The following SUCO variants were observed in gnomAD, a reference collection of about 807,000 sequenced individuals.
SUCO encodes the protein SUN domain-containing ossification factor.
A neutral mutation model predicts 148.1 loss-of-function variants in SUCO; 57 were observed. That is an observed-to-expected ratio of 0.38 (90% confidence interval 0.31 to 0.48). The LOEUF is 0.48. Ranked by LOEUF, SUCO falls within the 20% of genes least tolerant of loss-of-function variation. SUCO has a pLI of 0.96. For missense variants in SUCO, 1,331 were observed against 1,468.2 expected, an observed-to-expected ratio of 0.91 and a Z score of 1.53; for synonymous variants, 470 against 502.7, an observed-to-expected ratio of 0.93 and a Z score of 0.87.
At chr1:172,580,477 A>G (rs1001789248) in intron 15 of SUCO, among the ~76,000 whole-genome samples, 1 of 152,066 alleles carries the variant, frequency 6.6e-6, no homozygotes, top group East Asian at 1.9e-4. Flanking sequence ...TATGTGATGT[A>G]TTTTTTAGGA....
Position 172,593,739 on chromosome 1 carries a change from G to T in SUCO, c.2913+2668G>T, listed in dbSNP as rs919468868. On this transcript the variant is annotated intron_variant, in intron 19 of 23. Coordinates refer to ENST00000263688, the MANE Select transcript of SUCO (RefSeq NM_014283.5). The stretch of plus-strand genomic sequence containing the variant: ...AGGGATATTGGTCTAAAATTCTCTT[G>T]TTTTGTTGTGTCTCTGCCAGGCTTT... Among the ~76,000 whole-genome samples the T allele has an allele frequency of 1.1e-3, 163 of 152,076 alleles. 1 individual carries two copies. Among genetic ancestry groups the T allele is most frequent in the African/African-American group, 3.5e-3 (144 of 41,508 alleles).
At chr1:172,560,294 G>T (rs1452443717) in intron 6 of SUCO, among the ~76,000 whole-genome samples, 1 of 152,216 alleles carries the variant, frequency 6.6e-6, no homozygotes, top group African/African-American at 2.4e-5. Flanking sequence ...TTGACCAGCT[G>T]TAGTTGCAAT....
chr1:172,606,755 T>C (rs1055217344), intron 22 of SUCO, among the ~76,000 whole-genome samples: 1 of 151,760 alleles, frequency 6.6e-6, no homozygotes, highest in African/African-American at 2.4e-5. Context: ...TTACTTGTTA[T>C]TGAGAAATTC....
intron 8 of SUCO, 81 bp from the exon 9 acceptor site, chr1:172,570,581 TC>T: frequency 1.1e-6 from 1 of 907,790 alleles, no homozygotes; most frequent in Non-Finnish European, 1.7e-6. Context: ...AATACAGAAG[TC>T]CCAGAAAACT....
At chr1:172,588,594 T>G in intron 17 of SUCO, 166 bp from the exon 18 acceptor site, 1 of 984,946 alleles carries the variant, frequency 1.0e-6, no homozygotes, top group Non-Finnish European at 1.2e-6. Flanking sequence ...GCAGTATTTG[T>G]TTTTATAATA....
Position 172,556,115 on chromosome 1 carries a change from G to GT in SUCO, c.443+95dup, listed in dbSNP as rs1289844393. Reference sequence around the variant, plus strand: ...AAAGATAAAGCAGCTTGATACTCAAGTTTGAAGTTTAGGCTATATAGCAGA... The same window carrying GT: ...AAAGATAAAGCAGCTTGATACTCAAGTTTTGAAGTTTAGGCTATATAGCAGA... On this transcript the variant is annotated intron_variant, in intron 4 of 23. Coordinates refer to ENST00000263688, the MANE Select transcript of SUCO (RefSeq NM_014283.5). The GT allele has an allele frequency of 2.1e-5, 21 of 1,021,162 alleles. 1 individual carries two copies. In the Admixed American group the frequency reaches 4.6e-4, roughly 22 times the overall value. The allele number at this position is 1,021,162 out of a possible 1,614,324, so 63.3% of individuals were successfully genotyped here. A position where few individuals can be genotyped will look rare whatever the true frequency, so the allele number is the denominator to read the frequency against.
intron 1 of SUCO, among the ~76,000 whole-genome samples, chr1:172,547,681 A>G (rs1026950421): frequency 6.6e-6 from 1 of 152,230 alleles, no homozygotes; most frequent in Non-Finnish European, 1.5e-5. Context: ...CTGAATAGAC[A>G]TGACAAATGC....
At position 172,599,979 on chromosome 1, in the gene SUCO, G is replaced by A; in HGVS notation, c.2914-85G>A. On this transcript the variant is annotated intron_variant, in intron 19 of 23. Coordinates refer to ENST00000263688, the MANE Select transcript of SUCO (RefSeq NM_014283.5). ...ACATTTGTTTTGGAATAACTTAATG[G>A]TTTTTTTTAGATTATTTGACTTCAA... 4 of 928,930 alleles carry A rather than the reference G, an allele frequency of 4.3e-6. No individual in the cohort carries two copies. In the East Asian group the frequency reaches 8.8e-5, roughly 20 times the overall value. 57.5% of individuals were successfully genotyped at this position (928,930 alleles called of 1,614,324 possible). A position where few individuals can be genotyped will look rare whatever the true frequency, so the allele number is the denominator to read the frequency against.
chr1:172,533,219 G>C lies in SUCO; in HGVS notation c.-217G>C, dbSNP rs1261185170. The C allele has an allele frequency of 6.5e-7, 1 of 1,534,900 alleles. No individual in the cohort carries two copies. Among genetic ancestry groups the C allele is most frequent in the Admixed American group, 2.0e-5 (1 of 49,840 alleles). On this transcript the variant is annotated 5_prime_UTR_variant, in exon 1 of 24. Coordinates refer to ENST00000263688, the MANE Select transcript of SUCO (RefSeq NM_014283.5). ...GGTGGCTGCAGCGGCGGCGGTCCCC[G>C]GAGTCCTGTGAAGCGCCCCTGTCCG...
intron 9 of SUCO, among the ~76,000 whole-genome samples, chr1:172,571,294 C>T (rs563965757): frequency 2.0e-3 from 301 of 152,336 alleles, no homozygotes; most frequent in Non-Finnish European, 3.5e-3. Context: ...CTCCTAACTG[C>T]GAGTGATCCG....
At chr1:172,580,620 T>C (rs1036292643) in intron 15 of SUCO, among the ~76,000 whole-genome samples, 1 of 152,184 alleles carries the variant, frequency 6.6e-6, no homozygotes, top group Non-Finnish European at 1.5e-5. Context: ...TGAGGAAGCA[T>C]TATTATTTTA....
chr1:172,532,878 A>G (rs970178624), upstream of SUCO: 62 of 1,495,314 alleles, frequency 4.1e-5, no homozygotes, highest in Non-Finnish European at 5.4e-5. Flanking sequence ...AGTGGGCGGG[A>G]CCTGGGGCGG....
chr1:172,544,580 G>A (rs369170757), intron 1 of SUCO, among the ~76,000 whole-genome samples: 44 of 152,184 alleles, frequency 2.9e-4, no homozygotes, highest in African/African-American at 7.7e-4. Context: ...TTATGTTTTA[G>A]ATAGTGGGAG....
chr1:172,557,131 A>G, intron 4 of SUCO, 149 bp from the exon 5 acceptor site: 1 of 1,396,282 alleles, frequency 7.2e-7, no homozygotes, highest in East Asian at 2.6e-5. Context: ...GAGGACAATA[A>G]CAGATCAAGT....
intron 9 of SUCO, among the ~76,000 whole-genome samples, chr1:172,573,351 C>T (rs544079648): frequency 2.0e-5 from 3 of 152,142 alleles, no homozygotes; most frequent in East Asian, 3.9e-4. Flanking sequence ...ATTTCATTGT[C>T]TGGATGAACC....
At chr1:172,544,771 T>C (rs1571182498) in intron 1 of SUCO, among the ~76,000 whole-genome samples, 1 of 152,318 alleles carries the variant, frequency 6.6e-6, no homozygotes, top group East Asian at 1.9e-4. Context: ...TAGAGATTTT[T>C]AAATAGCATG....
At position 172,533,200 on chromosome 1, in the gene SUCO, T is replaced by C. The variant is rs2285143; in HGVS notation, c.-236T>C. ...AGGCGGGCGTGGACGAGCCGGTGGC[T>C]GCAGCGGCGGCGGTCCCCGGAGTCC... On this transcript the variant is annotated 5_prime_UTR_variant, in exon 1 of 24. Transcript: ENST00000263688. 402,208 of 1,509,554 alleles carry C rather than the reference T, an allele frequency of 0.27. 58,598 individuals carry two copies. Among genetic ancestry groups the C allele is most frequent in the African/African-American group, 0.56 (39,774 of 71,428 alleles). The allele number at this position is 1,509,554 out of a possible 1,614,324, so 93.5% of individuals were successfully genotyped here. A position where few individuals can be genotyped will look rare whatever the true frequency, so the allele number is the denominator to read the frequency against.
intron 17 of SUCO, chr1:172,588,261 G>A: frequency 1.0e-6 from 1 of 985,260 alleles, no homozygotes; most frequent in Non-Finnish European, 1.2e-6. Flanking sequence ...GCTGCCTTTT[G>A]AAAATAGGGT....
rs752584465 is a variant in SUCO, at chr1:172,589,705, A to C, written c.2604A>C (p.Glu868Asp). 8 of 1,613,848 alleles carry C rather than the reference A, an allele frequency of 5.0e-6. No individual in the cohort carries two copies. The highest frequency in any genetic ancestry group is 5.9e-6 in the Non-Finnish European group (7 of 1,179,798). Residue 868 changes from glutamate (E) to aspartate (D), a missense_variant, in exon 18 of 24, where the codon GAA becomes GAC. Glu to Asp is a conservative substitution (Grantham distance 45). Around this residue, in one of 3 missense-constraint regions of SUCO, gnomAD observed 992 missense variants for 1,093.5 expected, o/e 0.91. Coordinates refer to ENST00000263688, the MANE Select transcript of SUCO (RefSeq NM_014283.5). ...CTTCATTACCTGAAGTAAAAGAAGAAGAACAGTCTCCAGAAGATGCCCTTT... is the reference window on the plus strand; with the variant it reads ...CTTCATTACCTGAAGTAAAAGAAGACGAACAGTCTCCAGAAGATGCCCTTT... ...DSSSLPEVKE[E>D]EQSPEDALLR... is the part of the protein sequence containing the mutation.
Sources: allele counts gnomAD v4.1 joint callset (sites outside exome capture counted in the v4.1 genomes callset), GRCh38; gene constraint gnomAD v4.1.1; regional missense constraint gnomAD v4.1.1; transcripts MANE v1.5; gene names NCBI Gene and HGNC (gene_info 2026-07-23, HGNC 2026-07-21).